Variants in DNAJC13 observed in about 807,000 individuals in gnomAD.
DNAJC13 encodes dnaJ homolog subfamily C member 13.
DNAJC13 carries 75 observed loss-of-function variants against 290.5 expected under a neutral mutation model. The observed-to-expected ratio is 0.26, with a 90% CI of 0.21 to 0.31. DNAJC13 has a LOEUF of 0.31. Ranked by LOEUF, DNAJC13 falls within the 10% of genes least tolerant of loss-of-function variation. The pLI is 1.00. For missense variants in DNAJC13, 2,260 were observed against 2,674.5 expected, an observed-to-expected ratio of 0.85 and a Z score of 3.42; for synonymous variants, 862 against 892.0, an observed-to-expected ratio of 0.97 and a Z score of 0.60.
intron 44 of DNAJC13, among the ~76,000 whole-genome samples, chr3:132,512,184 G>C (rs1022517883): frequency 6.6e-6 from 1 of 152,168 alleles, no homozygotes; most frequent in Non-Finnish European, 1.5e-5. Flanking sequence ...GTAAAGAGTT[G>C]AAGAAAGGCC....
rs1415290080 is a variant in DNAJC13 at position 132,538,529 on chromosome 3, A to G, written c.*247A>G. On this transcript the variant is annotated 3_prime_UTR_variant, in exon 56 of 56. Coordinates refer to ENST00000260818, the MANE Select transcript of DNAJC13 (RefSeq NM_015268.4). ...TTTTTTTCTTGGTGTATGTAAGCAC[A>G]TTTGTTCCTTTATATCTGTTTACAA... is the stretch of plus-strand genomic sequence containing the variant. 1.5e-5 allele frequency: 5 copies of G among 335,964 alleles called. No homozygotes were observed. Among genetic ancestry groups the G allele is most frequent in the Non-Finnish European group, 2.7e-5 (5 of 187,100 alleles). The allele number at this position is 335,964 out of a possible 1,614,324, so 20.8% of individuals were successfully genotyped here.
intron 9 of DNAJC13, 110 bp from the exon 10 acceptor site, chr3:132,456,125 T>C (rs1390192796): frequency 7.8e-6 from 7 of 899,610 alleles, no homozygotes; most frequent in African/African-American, 1.7e-5. Flanking sequence ...ATTGTAACTG[T>C]AGTGTGTCCC....
At chr3:132,510,300 C>T (rs1282700418) in intron 43 of DNAJC13, among the ~76,000 whole-genome samples, 1 of 152,124 alleles carries the variant, frequency 6.6e-6, no homozygotes, top group Non-Finnish European at 1.5e-5. Flanking sequence ...ATCAGATCAT[C>T]TTTTGTGATG....
At chr3:132,504,566 A>T (rs929505626) in intron 41 of DNAJC13, among the ~76,000 whole-genome samples, 1 of 152,200 alleles carries the variant, frequency 6.6e-6, no homozygotes, top group Non-Finnish European at 1.5e-5. Context: ...ATTCAATAAA[A>T]TGCTTAACTA....
In DNAJC13 at chr3:132,495,170, T is replaced by C; in HGVS notation, c.4020+4T>C. 1 of 1,611,674 alleles carries C rather than the reference T, an allele frequency of 6.2e-7. No individual in the cohort carries two copies. ...TGATAAGAATCCAGAAGGGAGGGTATGTACTGCTGTTGGAATTCAGGCATT... is the reference window on the plus strand; with the variant it reads ...TGATAAGAATCCAGAAGGGAGGGTACGTACTGCTGTTGGAATTCAGGCATT... On this transcript the variant is annotated splice_donor_region_variant and intron_variant, in intron 35 of 55. Coordinates refer to ENST00000260818, the MANE Select transcript of DNAJC13 (RefSeq NM_015268.4).
Position 132,488,969 on chromosome 3 carries a change from T to C in DNAJC13, c.3423-7T>C. 2 of 1,600,872 alleles carry C rather than the reference T, an allele frequency of 1.2e-6. No homozygotes were observed. Among genetic ancestry groups the C allele is most frequent in the Non-Finnish European group, 1.7e-6 (2 of 1,169,108 alleles). On this transcript the variant is annotated splice_region_variant and splice_polypyrimidine_tract_variant and intron_variant, in intron 30 of 55. Coordinates refer to ENST00000260818, the MANE Select transcript of DNAJC13 (RefSeq NM_015268.4). ...ATATCTGATAGATAATTCATTTTTC[T>C]TTCTAGATTTTTGAAATACACACAT...
At chr3:132,472,487 A>C (rs1273167524) in intron 20 of DNAJC13, 1 of 851,752 alleles carries the variant, frequency 1.2e-6, no homozygotes, top group Non-Finnish European at 1.4e-6. Flanking sequence ...AATAGATATA[A>C]TTTAGCAGAT....
chr3:132,475,231 T>TG (rs1185047019), intron 22 of DNAJC13, 146 bp downstream of exon 22: 1 of 527,648 alleles, frequency 1.9e-6, no homozygotes, highest in African/African-American at 2.0e-5. Context: ...CTGGAAAACT[T>TG]TAATCTGTGT....
At chr3:132,509,744 G>A (rs1935709970) in intron 43 of DNAJC13, among the ~76,000 whole-genome samples, 1 of 152,198 alleles carries the variant, frequency 6.6e-6, no homozygotes, top group Non-Finnish European at 1.5e-5. Context: ...ATTCCCACCA[G>A]CAAAAAGATT....
intron 32 of DNAJC13, among the ~76,000 whole-genome samples, 155 bp from the exon 33 acceptor site, chr3:132,492,259 T>A (rs1935078430): frequency 6.6e-6 from 1 of 152,170 alleles, no homozygotes; most frequent in Non-Finnish European, 1.5e-5. Flanking sequence ...TACAATAAAA[T>A]GCCCAAAGTA....
intron 15 of DNAJC13, 70 bp from the exon 16 acceptor site, chr3:132,462,397 A>G: frequency 7.0e-7 from 1 of 1,434,350 alleles, no homozygotes; most frequent in Non-Finnish European, 9.7e-7. Flanking sequence ...CCTTCTTAAG[A>G]GTAACAGCTA....
Position 132,492,417 on chromosome 3 carries a change from C to T in DNAJC13, c.3627C>T (p.Arg1209=), listed in dbSNP as rs1178996095. ...PEAIWSSEMR[R]LMIEKIAAHL... ...ATGGAGGTTTTTATGATTGTAGGCGCCTGATGATAGAGAAGATTGCTGCCC... is the reference window on the plus strand; with the variant it reads ...ATGGAGGTTTTTATGATTGTAGGCGTCTGATGATAGAGAAGATTGCTGCCC... Residue 1209 remains arginine, a synonymous_variant, in exon 33 of 56, where the codon CGC becomes CGT. Transcript: ENST00000260818. 1 of 1,613,624 alleles carries T rather than the reference C, an allele frequency of 6.2e-7. No individual in the cohort carries two copies. The highest frequency in any genetic ancestry group is 1.1e-5 in the South Asian group (1 of 91,054).
intron 31 of DNAJC13, among the ~76,000 whole-genome samples, chr3:132,490,606 C>G (rs576193087): frequency 2.6e-5 from 4 of 152,278 alleles, no homozygotes; most frequent in African/African-American, 9.6e-5. Flanking sequence ...TACACATGGT[C>G]AAAGGCCAGT....
chr3:132,456,671 C>T lies in DNAJC13; in HGVS notation c.1188C>T (p.Phe396=). The change falls in exon 12 of 56, where the codon TTC becomes TTT. Residue 396 remains phenylalanine (F), a synonymous_variant. Coordinates refer to ENST00000260818, the MANE Select transcript of DNAJC13 (RefSeq NM_015268.4). ...VLHAVTQDGL[F]SENKEKLINN... ...ACTCTTTCTTCACCTAGGGTCTCTT[C>T]TCAGAAAACAAAGAAAAACTGATCA... The T allele has an allele frequency of 1.2e-6, 2 of 1,613,758 alleles. No homozygotes were observed. Among genetic ancestry groups the T allele is most frequent in the Non-Finnish European group, 1.7e-6 (2 of 1,179,830 alleles).
intron 46 of DNAJC13, among the ~76,000 whole-genome samples, chr3:132,515,534 A>G (rs1285028521): frequency 6.7e-6 from 1 of 149,580 alleles, no homozygotes; most frequent in Non-Finnish European, 1.5e-5. Flanking sequence ...CATACCTGCA[A>G]CCTTAGTTGG....
intron 20 of DNAJC13, 75 bp from the exon 21 acceptor site, chr3:132,473,070 A>T: frequency 1.1e-6 from 1 of 948,318 alleles, no homozygotes; most frequent in Non-Finnish European, 1.6e-6. Flanking sequence ...CTCATCACGT[A>T]TAAATTGATG....
chr3:132,427,288 A>G lies in DNAJC13; in HGVS notation c.-13-7250A>G, dbSNP rs1370988909. 6.6e-5 allele frequency among the ~76,000 whole-genome samples: 10 copies of G among 151,854 alleles called. 1 individual carries two copies. The highest frequency in any genetic ancestry group is 6.6e-4 in the Admixed American group (10 of 15,248). ...GTAGCTGGGACTATAGGCCTGTGCC[A>G]TGACACCCAGCTAATTTTTTGTATT... is the stretch of plus-strand genomic sequence containing the variant. On this transcript the variant is annotated intron_variant, in intron 1 of 55. Coordinates refer to ENST00000260818, the MANE Select transcript of DNAJC13 (RefSeq NM_015268.4).
intron 28 of DNAJC13, chr3:132,484,296 G>A: frequency 4.4e-6 from 2 of 454,640 alleles, no homozygotes; most frequent in Non-Finnish European, 8.3e-6. Context: ...AATACCCACT[G>A]ACAGTGTGTT....
chr3:132,484,477 A>G, intron 28 of DNAJC13, 111 bp from the exon 29 acceptor site: 4 of 943,324 alleles, frequency 4.2e-6, no homozygotes, highest in Non-Finnish European at 5.0e-6. Context: ...CTTAGTCTTC[A>G]TTAACAAAAA....
Sources: gnomAD v4.1 joint callset for allele counts (sites outside exome capture counted in the v4.1 genomes callset) on GRCh38, gnomAD v4.1.1 for gene constraint, MANE v1.5 for transcripts, NCBI Gene and HGNC (gene_info 2026-07-23, HGNC 2026-07-21) for gene names.